The following SLC44A5 variants were observed in gnomAD, a reference collection of about 807,000 sequenced individuals.
SLC44A5 encodes the protein solute carrier family 44 member 5, also known as choline transporter-like protein 5.
SLC44A5 carries 57 observed loss-of-function variants against 101.8 expected under a neutral mutation model. That is an observed-to-expected ratio of 0.56 (90% CI 0.45 to 0.70). SLC44A5 has a LOEUF of 0.70. SLC44A5 is among the 30% of genes least tolerant of loss of function. SLC44A5 has a pLI of 0.00. For synonymous variants in SLC44A5, 281 were observed against 290.9 expected, an observed-to-expected ratio of 0.97 and a Z score of 0.35; for missense variants, 737 against 853.1, an observed-to-expected ratio of 0.86 and a Z score of 1.70.
chr1:75,568,405 A>G (rs1672898868), intron 1 of SLC44A5, among the ~76,000 whole-genome samples: 1 of 152,196 alleles, frequency 6.6e-6, no homozygotes, highest in African/African-American at 2.4e-5. Context: ...AGAAATAGTG[A>G]GAGGATAAAT....
At chr1:75,449,089 G>C (rs1014493406) in intron 2 of SLC44A5, among the ~76,000 whole-genome samples, 2 of 152,094 alleles carry the variant, frequency 1.3e-5, no homozygotes, top group African/African-American at 4.8e-5. Context: ...ACTCCCAACT[G>C]CTTTCTCAGA....
intron 9 of SLC44A5, among the ~76,000 whole-genome samples, chr1:75,240,542 T>C (rs1648526294): frequency 6.6e-6 from 1 of 152,140 alleles, no homozygotes; most frequent in African/African-American, 2.4e-5. Flanking sequence ...TAATGATTTA[T>C]ATTTATCCTT....
chr1:75,383,854 T>C (rs1231150383), intron 3 of SLC44A5, among the ~76,000 whole-genome samples: 1 of 152,006 alleles, frequency 6.6e-6, no homozygotes, highest in Non-Finnish European at 1.5e-5. Context: ...TAACAGCAGA[T>C]CTCTCAGCAG....
At chr1:75,490,096 GTCTC>G (rs1320934411) in intron 2 of SLC44A5, among the ~76,000 whole-genome samples, 1 of 151,866 alleles carries the variant, frequency 6.6e-6, no homozygotes, top group Admixed American at 6.6e-5. Flanking sequence ...AGTCAACAAT[GTCTC>G]TCTAATATTT....
In SLC44A5 at chr1:75,243,024, A is replaced by G. The variant is rs185264251; in HGVS notation, c.346-13T>C. The G allele has an allele frequency of 7.6e-5, 122 of 1,608,528 alleles. 1 individual carries two copies. The Middle Eastern group carries it at 1.3e-3, about 18-fold the overall frequency. ...TGGAGACACAGATCTGTGAACGAAC[A>G]AAGTGATGAGAACTGAACTGAGTTG... On this transcript the variant is annotated splice_polypyrimidine_tract_variant and intron_variant, in intron 7 of 23. Transcript: ENST00000370859.
At chr1:75,217,365 T>G (rs562970517) in intron 18 of SLC44A5, among the ~76,000 whole-genome samples, 1 of 152,226 alleles carries the variant, frequency 6.6e-6, no homozygotes, top group African/African-American at 2.4e-5. Context: ...GTCTTCCAGC[T>G]TTTTTGTTCC....
At chr1:75,357,320 G>A (rs1659156743) in intron 3 of SLC44A5, 1 of 425,218 alleles carries the variant, frequency 2.4e-6, no homozygotes, top group Non-Finnish European at 4.7e-6. Context: ...TTGATAGAGA[G>A]CCCTTAAAAT....
At chr1:75,318,370 TGAAAGAAAGAAAGAAAGAAA>T (rs5775281) in intron 4 of SLC44A5, among the ~76,000 whole-genome samples, 2,792 of 130,650 alleles carry the variant, frequency 0.021, 37 homozygotes, top group African/African-American at 0.026. Context: ...TCCCATCTCT[TGAAAGAAAGAAAGAAAGAAA>T]GAAAGAAAGA....
At chr1:75,619,231 G>C in the SLC44A5 span, among the ~76,000 whole-genome samples, 1 of 150,972 alleles carries the variant, frequency 6.6e-6, no homozygotes, top group Non-Finnish European at 1.5e-5. Context: ...GAGAGCAGGA[G>C]GGAGGGAGGG....
chr1:75,276,493 G>A (rs1405415126), intron 5 of SLC44A5, among the ~76,000 whole-genome samples: 2 of 152,008 alleles, frequency 1.3e-5, no homozygotes, highest in Non-Finnish European at 2.9e-5. Flanking sequence ...AGCACCCGAA[G>A]CATTTAGATT....
At chr1:75,493,637 A>C (rs1326455788) in intron 2 of SLC44A5, among the ~76,000 whole-genome samples, 1 of 152,188 alleles carries the variant, frequency 6.6e-6, no homozygotes, top group Non-Finnish European at 1.5e-5. Flanking sequence ...AGCTTTTAAT[A>C]AAAAAACTAT....
Position 75,375,574 on chromosome 1 carries a change from G to A in SLC44A5, c.52+21009C>T, listed in dbSNP as rs568324288. Among the ~76,000 whole-genome samples the A allele has an allele frequency of 1.2e-4, 18 of 152,174 alleles. No individual in the cohort carries two copies. In the South Asian group the frequency reaches 3.7e-3, roughly 32 times the overall value. On this transcript the variant is annotated intron_variant, in intron 3 of 23. Transcript: ENST00000370859. ...GTCAACAAGAAAAGAAATCTTAAAG[G>A]CAACTGTAGAAAAGGGTCATATCAC...
intron 22 of SLC44A5, 33 bp downstream of exon 22, chr1:75,213,672 G>C (rs1423134636): frequency 7.2e-7 from 1 of 1,389,988 alleles, no homozygotes; most frequent in Admixed American, 1.8e-5. Flanking sequence ...TTTTATTATA[G>C]CAGCCTGTAC....
intron 1 of SLC44A5, among the ~76,000 whole-genome samples, chr1:75,591,186 G>A (rs572550789): frequency 1.3e-5 from 2 of 152,284 alleles, no homozygotes; most frequent in African/African-American, 2.4e-5. Context: ...GTACCTCTAT[G>A]AGTCTGCAAG....
At chr1:75,427,075 T>C (rs147710286) in intron 2 of SLC44A5, among the ~76,000 whole-genome samples, 3 of 152,328 alleles carry the variant, frequency 2.0e-5, no homozygotes, top group African/African-American at 7.2e-5. Context: ...TAAATCCATT[T>C]GCTGCTTAAG....
intron 3 of SLC44A5, among the ~76,000 whole-genome samples, chr1:75,393,690 T>C (rs1183423998): frequency 6.6e-6 from 1 of 152,222 alleles, no homozygotes; most frequent in African/African-American, 2.4e-5. Context: ...GGTTATTTAT[T>C]TGCTCACTTC....
chr1:75,321,905 A>T (rs1216522952), intron 4 of SLC44A5, among the ~76,000 whole-genome samples: 2 of 152,344 alleles, frequency 1.3e-5, no homozygotes, highest in African/African-American at 2.4e-5. Flanking sequence ...TCTGAGATGC[A>T]AACTTTTTTG....
At chr1:75,611,440 AC>A (rs1675652434), upstream of SLC44A5, among the ~76,000 whole-genome samples, 1 of 152,058 alleles carries the variant, frequency 6.6e-6, no homozygotes, top group South Asian at 2.1e-4. Flanking sequence ...CATCCAATAT[AC>A]CCCATATCCC....
chr1:75,221,957 C>CTT lies in SLC44A5; in HGVS notation c.1085+402_1085+403dup, dbSNP rs199560766. ...GATGCTTTCTTTTAAAAGTCTTCTT[C>CTT]TTCTTTTTTTTTTTTTTTTGAGACA... is the stretch of plus-strand genomic sequence containing the variant. On this transcript the variant is annotated intron_variant, in intron 14 of 23. Coordinates refer to ENST00000370859, the MANE Select transcript of SLC44A5 (RefSeq NM_001130058.2). 9.5e-5 allele frequency among the ~76,000 whole-genome samples: 12 copies of CTT among 126,862 alleles called. 1 individual carries two copies. The highest frequency in any genetic ancestry group is 2.4e-4 in the South Asian group (1 of 4,142). The allele number at this position is 126,862 out of a possible 152,430, so 83.2% of individuals were successfully genotyped here.
Sources: gnomAD v4.1 joint callset for allele counts (sites outside exome capture counted in the v4.1 genomes callset) on GRCh38, gnomAD v4.1.1 for gene constraint, MANE v1.5 for transcripts, NCBI Gene and HGNC (gene_info 2026-07-23, HGNC 2026-07-21) for gene names.